PDE1C: variants seen among roughly 807,000 people sequenced by gnomAD.
PDE1C encodes the protein dual specificity calcium/calmodulin-dependent 3',5'-cyclic nucleotide phosphodiesterase 1C.
PDE1C carries 62 observed loss-of-function variants against 93.1 expected under a neutral mutation model. The observed-to-expected ratio is 0.67, with a 90% CI of 0.54 to 0.82. The LOEUF (loss-of-function observed/expected upper bound fraction) is 0.82. Ranked by LOEUF, PDE1C falls within the 40% of genes least tolerant of loss-of-function variation. PDE1C has a pLI of 0.00. For synonymous variants in PDE1C, 325 were observed against 310.1 expected, an observed-to-expected ratio of 1.05 and a Z score of -0.50; for missense variants, 742 against 884.6, an observed-to-expected ratio of 0.84 and a Z score of 2.04.
chr7:32,185,289 T>A (rs74709174), intron 2 of PDE1C, among the ~76,000 whole-genome samples: 3,517 of 151,208 alleles, frequency 0.023, 136 homozygotes, highest in African/African-American at 0.081. Flanking sequence ...TAAAGCCAAC[T>A]TGCATTACTC....
At chr7:32,298,465 G>C (rs983271470) in intron 1 of PDE1C, among the ~76,000 whole-genome samples, 1 of 152,088 alleles carries the variant, frequency 6.6e-6, no homozygotes, top group African/African-American at 2.4e-5. Context: ...GTGCCGGGGG[G>C]GACAGCCCAG....
intron 3 of PDE1C, among the ~76,000 whole-genome samples, chr7:32,137,952 C>A (rs961012306): frequency 7.2e-5 from 11 of 152,112 alleles, no homozygotes; most frequent in African/African-American, 2.4e-4. Context: ...ATGTCAAAAT[C>A]CCCAGGTTTT....
At chr7:31,621,227 C>G in the PDE1C span, among the ~76,000 whole-genome samples, 2 of 151,792 alleles carry the variant, frequency 1.3e-5, no homozygotes, top group African/African-American at 2.4e-5. Flanking sequence ...GCAAGGCAGG[C>G]CAACGTTCAG....
intron 9 of PDE1C, among the ~76,000 whole-genome samples, chr7:31,844,791 A>T (rs937851253): frequency 4.6e-5 from 7 of 152,118 alleles, no homozygotes; most frequent in Middle Eastern, 6.8e-3. Context: ...TGGCTCATAT[A>T]AAATTATCCC....
At chr7:31,885,947 T>G (rs1050550368) in intron 2 of PDE1C, among the ~76,000 whole-genome samples, 2 of 152,206 alleles carry the variant, frequency 1.3e-5, no homozygotes, top group African/African-American at 4.8e-5. Flanking sequence ...AAAGAAGCTA[T>G]GGAAACATAC....
chr7:31,955,177 G>A (rs781552845), intron 2 of PDE1C, among the ~76,000 whole-genome samples: 1 of 152,124 alleles, frequency 6.6e-6, no homozygotes, highest in Non-Finnish European at 1.5e-5. Context: ...CAGTGTGATC[G>A]GATGTAGGGC....
chr7:32,165,970 T>C (rs1802232382), intron 3 of PDE1C, among the ~76,000 whole-genome samples: 1 of 151,860 alleles, frequency 6.6e-6, no homozygotes. Context: ...GTGATTGTGA[T>C]GCACACTCAA....
upstream of PDE1C, among the ~76,000 whole-genome samples, chr7:32,072,296 T>G (rs946337502): frequency 6.6e-6 from 1 of 152,228 alleles, no homozygotes. Flanking sequence ...CAGGTAAATC[T>G]GAAGTCGCCC....
intron 3 of PDE1C, among the ~76,000 whole-genome samples, chr7:32,115,773 T>C (rs1411453282): frequency 6.6e-6 from 1 of 152,164 alleles, no homozygotes; most frequent in Admixed American, 6.5e-5. Flanking sequence ...TCCTTTGCCC[T>C]TTTAGCTTCT....
intron 1 of PDE1C, among the ~76,000 whole-genome samples, chr7:32,408,024 G>C (rs181799984): frequency 6.6e-5 from 10 of 152,302 alleles, no homozygotes; most frequent in Non-Finnish European, 8.8e-5. Flanking sequence ...AATATTATCT[G>C]GAGGAGAAGG....
chr7:31,996,066 G>GGGAC (rs1187820251), intron 2 of PDE1C, among the ~76,000 whole-genome samples: 1 of 138,560 alleles, frequency 7.2e-6, no homozygotes, highest in Non-Finnish European at 1.6e-5. Context: ...TACGCTTCCG[G>GGGAC]ACACACACAC....
intron 1 of PDE1C, 91 bp from the exon 2 acceptor site, chr7:32,051,671 G>A (rs960025677): frequency 9.8e-7 from 1 of 1,015,368 alleles, no homozygotes; most frequent in Non-Finnish European, 1.6e-6. Flanking sequence ...GGGCATGGGG[G>A]TCAACACTTC....
chr7:32,232,398 A>C (rs938469454), intron 1 of PDE1C, among the ~76,000 whole-genome samples: 6 of 152,194 alleles, frequency 3.9e-5, no homozygotes, highest in Non-Finnish European at 7.4e-5. Context: ...TAAGATACTG[A>C]AAAAGGGGTA....
At chr7:31,758,125 C>T (rs552174879) in intron 17 of PDE1C, among the ~76,000 whole-genome samples, 3 of 152,062 alleles carry the variant, frequency 2.0e-5, no homozygotes, top group South Asian at 2.1e-4. Context: ...AGAAGGGGAA[C>T]ATCACACACC....
chr7:32,328,106 C>T (rs1012051891), intron 1 of PDE1C, among the ~76,000 whole-genome samples: 2 of 152,136 alleles, frequency 1.3e-5, no homozygotes, highest in African/African-American at 4.8e-5. Flanking sequence ...ATATATTTAT[C>T]TTTAGTAGAT....
intron 1 of PDE1C, among the ~76,000 whole-genome samples, chr7:32,272,612 C>T (rs767343089): frequency 6.6e-6 from 1 of 152,200 alleles, no homozygotes; most frequent in Non-Finnish European, 1.5e-5. Context: ...ATCTAATCAA[C>T]AGCCATTCTC....
intron 2 of PDE1C, among the ~76,000 whole-genome samples, chr7:32,189,154 C>T (rs1450668895): frequency 2.0e-5 from 3 of 152,150 alleles, no homozygotes; most frequent in African/African-American, 7.2e-5. Flanking sequence ...GAGGAAAGGT[C>T]TCCATTACTC....
chr7:32,168,757 T>C (rs1802462339), intron 3 of PDE1C, among the ~76,000 whole-genome samples: 1 of 152,200 alleles, frequency 6.6e-6, no homozygotes, highest in Non-Finnish European at 1.5e-5. Flanking sequence ...CAAACCCCTA[T>C]TTAGCACTCC....
intron 1 of PDE1C, among the ~76,000 whole-genome samples, chr7:32,397,279 GA>G (rs1271460788): frequency 6.6e-6 from 1 of 151,824 alleles, no homozygotes; most frequent in Non-Finnish European, 1.5e-5. Flanking sequence ...CAGAAACCCA[GA>G]AAAAAATAAG....
Sources: gnomAD v4.1 joint callset for allele counts (sites outside exome capture counted in the v4.1 genomes callset) on GRCh38, gnomAD v4.1.1 for gene constraint, MANE v1.5 for transcripts, NCBI Gene and HGNC (gene_info 2026-07-23, HGNC 2026-07-21) for gene names.